CSNK1G1: variants seen among roughly 807,000 people sequenced by gnomAD.
CSNK1G1 encodes the protein casein kinase 1 gamma 1.
A neutral mutation model predicts 59.6 loss-of-function variants in CSNK1G1; 22 were observed. That is an observed-to-expected ratio of 0.37 (90% CI 0.26 to 0.53). The LOEUF (loss-of-function observed/expected upper bound fraction) is 0.53. CSNK1G1 is among the 20% of genes least tolerant of loss of function. CSNK1G1 has a pLI of 0.89. For missense variants in CSNK1G1, 384 were observed against 519.5 expected (o/e 0.74, Z 2.54); for synonymous variants, 179 against 177.1 (o/e 1.01, Z -0.08).
Position 64,180,473 on chromosome 15 carries a change from A to C in CSNK1G1, c.1108-19T>G. ...TAACCACCTGAAACAGAAAGACAGA[A>C]GTGTGTGACAGGCACCATGGCAACA... On this transcript the variant is annotated intron_variant, in intron 10 of 11. Transcript: ENST00000303052. The C allele has an allele frequency of 6.3e-7, 1 of 1,581,326 alleles. No homozygotes were observed. Among genetic ancestry groups the C allele is most frequent in the Non-Finnish European group, 8.7e-7 (1 of 1,150,084 alleles).
Position 64,170,902 on chromosome 15 carries a change from T to C in CSNK1G1, c.*1029A>G, listed in dbSNP as rs2081656472. 6.6e-6 allele frequency: 1 copy of C among 152,600 alleles called. No homozygotes were observed. The highest frequency in any genetic ancestry group is 2.1e-4 in the South Asian group (1 of 4,824). 9.5% of individuals were successfully genotyped at this position (152,600 alleles called of 1,614,324 possible). ...AGCTGATTAGGTCAAGATGCTCTGG[T>C]AGGGACATTCTTCAGCTGCTGAGAA... On this transcript the variant is annotated 3_prime_UTR_variant, in exon 12 of 12. Coordinates refer to ENST00000303052, the MANE Select transcript of CSNK1G1 (RefSeq NM_022048.5).
chr15:64,251,933 G>C (rs944023842), intron 3 of CSNK1G1, among the ~76,000 whole-genome samples: 1 of 152,032 alleles, frequency 6.6e-6, no homozygotes. Flanking sequence ...TGCTTGTTTT[G>C]TTCAGAATTT....
At chr15:64,203,947 A>G (rs1033009717) in intron 9 of CSNK1G1, among the ~76,000 whole-genome samples, 6 of 152,006 alleles carry the variant, frequency 3.9e-5, no homozygotes, top group African/African-American at 7.2e-5. Context: ...GTTTGAGATC[A>G]GCCTGGCCAA....
At chr15:64,192,284 G>A (rs1041877249) in intron 10 of CSNK1G1, among the ~76,000 whole-genome samples, 7 of 152,354 alleles carry the variant, frequency 4.6e-5, no homozygotes, top group Admixed American at 2.0e-4. Flanking sequence ...CACATGGAGT[G>A]TGTAAGTCCC....
chr15:64,347,442 T>C (rs1898036319), intron 1 of CSNK1G1, among the ~76,000 whole-genome samples: 2 of 151,954 alleles, frequency 1.3e-5, no homozygotes, highest in Admixed American at 1.3e-4. Context: ...GGCACATCTA[T>C]ACAACAGAAA....
chr15:64,189,739 G>C (rs1316831906), intron 10 of CSNK1G1, among the ~76,000 whole-genome samples: 1 of 151,620 alleles, frequency 6.6e-6, no homozygotes. Context: ...GACAAGAGTT[G>C]CTTAAAGCTC....
At chr15:64,289,131 G>A (rs531369832) in intron 2 of CSNK1G1, among the ~76,000 whole-genome samples, 2 of 150,082 alleles carry the variant, frequency 1.3e-5, no homozygotes, top group Admixed American at 1.3e-4. Context: ...AGCGAGCCGA[G>A]ATTGCAACAC....
intron 1 of CSNK1G1, among the ~76,000 whole-genome samples, chr15:64,337,322 T>A (rs1471684253): frequency 6.6e-6 from 1 of 152,136 alleles, no homozygotes; most frequent in Non-Finnish European, 1.5e-5. Context: ...AAAAGACTTC[T>A]AATAAGTTTT....
chr15:64,326,427 C>A (rs1483947807), intron 1 of CSNK1G1, among the ~76,000 whole-genome samples: 1 of 152,098 alleles, frequency 6.6e-6, no homozygotes, highest in African/African-American at 2.4e-5. Flanking sequence ...GCAGATCACC[C>A]GAGGTCAGGA....
chr15:64,350,461 A>G (rs1898227041), intron 1 of CSNK1G1, among the ~76,000 whole-genome samples: 2 of 152,068 alleles, frequency 1.3e-5, no homozygotes, highest in Non-Finnish European at 2.9e-5. Context: ...AGATCACGCC[A>G]CTGCACTCCA....
At chr15:64,245,814 G>A (rs190474422) in intron 4 of CSNK1G1, among the ~76,000 whole-genome samples, 1 of 151,810 alleles carries the variant, frequency 6.6e-6, no homozygotes, top group East Asian at 1.9e-4. Flanking sequence ...CAACACAGAT[G>A]GAACTGGAGG....
intron 1 of CSNK1G1, among the ~76,000 whole-genome samples, chr15:64,323,440 A>G (rs1382686487): frequency 2.0e-5 from 3 of 151,444 alleles, no homozygotes; most frequent in African/African-American, 7.3e-5. Flanking sequence ...ATCTCGGCTC[A>G]CTGCAACCTC....
intron 1 of CSNK1G1, among the ~76,000 whole-genome samples, chr15:64,331,848 CA>C (rs1285349549): frequency 6.7e-6 from 1 of 149,244 alleles, no homozygotes; most frequent in Non-Finnish European, 1.5e-5. Context: ...ACAACCCCAT[CA>C]AAAAGTGGGC....
chr15:64,219,980 G>C (rs1445447971), intron 4 of CSNK1G1, among the ~76,000 whole-genome samples: 4 of 151,884 alleles, frequency 2.6e-5, no homozygotes, highest in Non-Finnish European at 5.9e-5. Flanking sequence ...CGCCATGTTG[G>C]CCAGGATAGT....
chr15:64,228,249 T>C (rs991102224), intron 4 of CSNK1G1, among the ~76,000 whole-genome samples: 1 of 151,902 alleles, frequency 6.6e-6, no homozygotes, highest in African/African-American at 2.4e-5. Context: ...CTTTTTTAAA[T>C]TATAAAAGTG....
At chr15:64,246,625 T>TAA (rs771554925) in intron 4 of CSNK1G1, among the ~76,000 whole-genome samples, 22 of 84,556 alleles carry the variant, frequency 2.6e-4, no homozygotes, top group East Asian at 3.9e-4. Flanking sequence ...TCCGTCTCTT[T>TAA]AAAAAAAAAA....
At chr15:64,271,727 G>A (rs1025805033) in intron 2 of CSNK1G1, among the ~76,000 whole-genome samples, 1 of 152,216 alleles carries the variant, frequency 6.6e-6, no homozygotes, top group Non-Finnish European at 1.5e-5. Context: ...TGAGAAGAAT[G>A]TATATTCTGT....
At chr15:64,299,996 A>G (rs2140402017) in intron 2 of CSNK1G1, among the ~76,000 whole-genome samples, 1 of 152,328 alleles carries the variant, frequency 6.6e-6, no homozygotes, top group East Asian at 1.9e-4. Context: ...TTGTAAAAAT[A>G]TGCAGAATTT....
At chr15:64,247,131 A>G (rs1484930545) in intron 4 of CSNK1G1, among the ~76,000 whole-genome samples, 2 of 152,212 alleles carry the variant, frequency 1.3e-5, no homozygotes, top group African/African-American at 4.8e-5. Context: ...TACAAGCAAA[A>G]CTGAGAGCTA....
Sources: allele counts gnomAD v4.1 joint callset (sites outside exome capture counted in the v4.1 genomes callset), GRCh38; gene constraint gnomAD v4.1.1; transcripts MANE v1.5; gene names NCBI Gene and HGNC (gene_info 2026-07-23, HGNC 2026-07-21).